Variants in USP32 observed in about 807,000 individuals in gnomAD.
The protein encoded by USP32 is ubiquitin carboxyl-terminal hydrolase 32.
A neutral mutation model predicts 204.8 loss-of-function variants in USP32; 59 were observed. The observed-to-expected ratio is 0.29, with a 90% CI of 0.23 to 0.36. The LOEUF (loss-of-function observed/expected upper bound fraction) is 0.36, where lower values mean the gene tolerates loss of function less well. Ranked by LOEUF, USP32 falls within the 10% of genes least tolerant of loss-of-function variation. USP32 has a pLI of 1.00. For missense variants in USP32, 1,160 were observed against 1,946.4 expected (o/e 0.60, Z 7.60); for synonymous variants, 517 against 678.4 (o/e 0.76, Z 3.70).
chr17:60,363,116 C>G (rs1044806280), intron 1 of USP32, among the ~76,000 whole-genome samples: 4 of 151,580 alleles, frequency 2.6e-5, no homozygotes, highest in Non-Finnish European at 5.9e-5. Context: ...ACAGTGAGAC[C>G]CCATCTCTAT....
intron 1 of USP32, among the ~76,000 whole-genome samples, chr17:60,347,471 A>T (rs1235669409): frequency 6.6e-6 from 1 of 151,346 alleles, no homozygotes; most frequent in Admixed American, 6.6e-5. Flanking sequence ...CTCCCGCCTC[A>T]GCCTCCCGAG....
At chr17:60,420,101 T>C (rs892424977) in intron 1 of USP32, among the ~76,000 whole-genome samples, 11 of 151,052 alleles carry the variant, frequency 7.3e-5, no homozygotes, top group Non-Finnish European at 1.5e-4. Flanking sequence ...TTATTTGTTT[T>C]GTTTTATTTT....
At chr17:60,275,321 G>A (rs2086814072) in intron 5 of USP32, among the ~76,000 whole-genome samples, 1 of 152,088 alleles carries the variant, frequency 6.6e-6, no homozygotes, top group Non-Finnish European at 1.5e-5. Context: ...GTGAGGTGTG[G>A]TGGCGTGTGC....
Position 60,392,003 on chromosome 17 carries a change from C to T in USP32, c.-64G>A, listed in dbSNP as rs2089846546. ...CTCGCCCCCACCCCCCTCCCGCCTTCTCCTCGGCGTCCCTGGGTGACGGTG... is the reference window on the plus strand; with the variant it reads ...CTCGCCCCCACCCCCCTCCCGCCTTTTCCTCGGCGTCCCTGGGTGACGGTG... On this transcript the variant is annotated 5_prime_UTR_variant, in exon 1 of 34. Transcript: ENST00000300896. 2.6e-6 allele frequency: 4 copies of T among 1,545,610 alleles called. No homozygotes were observed. Among genetic ancestry groups the T allele is most frequent in the Non-Finnish European group, 3.5e-6 (4 of 1,140,640 alleles).
chr17:60,206,450 C>A (rs1019417356), intron 25 of USP32, among the ~76,000 whole-genome samples: 18 of 149,204 alleles, frequency 1.2e-4, no homozygotes, highest in African/African-American at 4.4e-4. Context: ...GAAGTTTCCA[C>A]CACTGCAGAA....
At chr17:60,228,709 AG>A (rs2085465276) in intron 12 of USP32, among the ~76,000 whole-genome samples, 1 of 151,992 alleles carries the variant, frequency 6.6e-6, no homozygotes, top group Non-Finnish European at 1.5e-5. Flanking sequence ...TTTAGTCCCC[AG>A]TAACTTGAGA....
intron 1 of USP32, among the ~76,000 whole-genome samples, chr17:60,370,503 G>A (rs2089415958): frequency 6.6e-6 from 1 of 152,056 alleles, no homozygotes; most frequent in South Asian, 2.1e-4. Flanking sequence ...GCTCACACCT[G>A]TAATCCCAAC....
intron 1 of USP32, among the ~76,000 whole-genome samples, chr17:60,411,155 C>G (rs1228422421): frequency 1.3e-5 from 2 of 151,964 alleles, no homozygotes; most frequent in Non-Finnish European, 2.9e-5. Flanking sequence ...ATGGAGAAAC[C>G]CTGTCTCTGC....
Position 60,255,955 on chromosome 17 carries a change from G to A in USP32, c.991-697C>T, listed in dbSNP as rs185653319. Among the ~76,000 whole-genome samples the A allele has an allele frequency of 2.2e-3, 332 of 152,262 alleles. 4 individuals are homozygous for A. Among genetic ancestry groups the A allele is most frequent in the African/African-American group, 7.5e-3 (313 of 41,544 alleles). ...AACAAGGAAAATATATACACATATT[G>A]TTCTCTAAAGAGAAAAACATTGACT... On this transcript the variant is annotated intron_variant, in intron 9 of 33. Coordinates refer to ENST00000300896, the MANE Select transcript of USP32 (RefSeq NM_032582.4).
At chr17:60,242,987 T>G (rs1425729838) in intron 11 of USP32, among the ~76,000 whole-genome samples, 1 of 152,212 alleles carries the variant, frequency 6.6e-6, no homozygotes, top group Non-Finnish European at 1.5e-5. Context: ...TTGACAACAA[T>G]AAGTTTTCAA....
chr17:60,387,922 T>G (rs2089758987), intron 1 of USP32, among the ~76,000 whole-genome samples: 1 of 152,168 alleles, frequency 6.6e-6, no homozygotes, highest in South Asian at 2.1e-4. Context: ...AAATATGATT[T>G]CTACTGAACG....
chr17:60,208,959 T>C, intron 22 of USP32, 131 bp from the exon 23 acceptor site: 2 of 885,300 alleles, frequency 2.3e-6, no homozygotes, highest in East Asian at 3.0e-5. Context: ...TCATTTAACA[T>C]AAAATATTAA....
At position 60,263,325 on chromosome 17, in the gene USP32, A is replaced by C. The variant is rs1361980211; in HGVS notation, c.990+2087T>G. Among the ~76,000 whole-genome samples, 10 of 152,172 alleles carry C rather than the reference A, an allele frequency of 6.6e-5. No homozygotes were observed. The East Asian group carries it at 1.9e-3, about 29-fold the overall frequency. On this transcript the variant is annotated intron_variant, in intron 9 of 33. Coordinates refer to ENST00000300896, the MANE Select transcript of USP32 (RefSeq NM_032582.4). ...CAAACTATCCAAGGGTAACATCTAGATCTCTTGAGCCACTACAGAGTATCA... is the reference window on the plus strand; with the variant it reads ...CAAACTATCCAAGGGTAACATCTAGCTCTCTTGAGCCACTACAGAGTATCA...
At chr17:60,311,365 T>C (rs1567845458) in intron 2 of USP32, among the ~76,000 whole-genome samples, 1 of 152,236 alleles carries the variant, frequency 6.6e-6, no homozygotes, top group Non-Finnish European at 1.5e-5. Flanking sequence ...ATAAAATTGA[T>C]GTATGTGGTA....
intron 11 of USP32, among the ~76,000 whole-genome samples, chr17:60,246,479 T>C (rs958124918): frequency 3.9e-5 from 6 of 152,134 alleles, no homozygotes. Context: ...ATCTTGGCTA[T>C]TGTAAGTAGT....
chr17:60,299,257 T>C (rs1362658134), intron 3 of USP32, among the ~76,000 whole-genome samples: 1 of 152,224 alleles, frequency 6.6e-6, no homozygotes, highest in Non-Finnish European at 1.5e-5. Context: ...AATGATCTCT[T>C]TGTCCATTTT....
upstream of USP32, among the ~76,000 whole-genome samples, chr17:60,392,832 C>A (rs1214232007): frequency 1.2e-4 from 19 of 152,274 alleles, no homozygotes; most frequent in East Asian, 3.7e-3. Context: ...GGCCCACCTT[C>A]TCCTCCTGAC....
intron 3 of USP32, among the ~76,000 whole-genome samples, chr17:60,299,164 A>C (rs991795122): frequency 6.6e-6 from 1 of 152,140 alleles, no homozygotes; most frequent in Admixed American, 6.6e-5. Context: ...AAAAACAAAA[A>C]CAAAACCACG....
intron 2 of USP32, among the ~76,000 whole-genome samples, chr17:60,306,525 C>T (rs1008969265): frequency 6.6e-6 from 1 of 151,910 alleles, no homozygotes. Context: ...ATAATCCCAG[C>T]TACTTGAGAG....
Sources: allele counts gnomAD v4.1 joint callset (sites outside exome capture counted in the v4.1 genomes callset), GRCh38; gene constraint gnomAD v4.1.1; transcripts MANE v1.5; gene names NCBI Gene and HGNC (gene_info 2026-07-23, HGNC 2026-07-21).